The following AQP11 variants were observed in gnomAD, a reference collection of about 807,000 sequenced individuals.
The protein encoded by AQP11 is aquaporin-11.
In AQP11, 20 loss-of-function variants were observed where a neutral mutation model predicts 21.1. The observed-to-expected ratio is 0.95, with a 90% confidence interval of 0.67 to 1.38. AQP11 has a LOEUF of 1.38. AQP11 is among the 40% of genes most tolerant of loss of function. The pLI, the probability that AQP11 is intolerant of heterozygous loss-of-function variation, is 0.00. For synonymous variants in AQP11, 167 were observed against 150.1 expected (o/e 1.11, Z -0.82); for missense variants, 339 against 340.4 (o/e 1.00, Z 0.03).
At chr11:77,601,042 C>G (rs901461203) in intron 1 of AQP11, among the ~76,000 whole-genome samples, 2 of 151,640 alleles carry the variant, frequency 1.3e-5, no homozygotes, top group African/African-American at 4.8e-5. Flanking sequence ...TTGTATATGT[C>G]TTCTCATACA....
chr11:77,598,887 T>A (rs964743025), intron 1 of AQP11, among the ~76,000 whole-genome samples: 7 of 151,886 alleles, frequency 4.6e-5, no homozygotes, highest in Admixed American at 3.3e-4. Context: ...GCTAATTATT[T>A]TTTTTTTGTT....
rs764929288 is a variant in AQP11, at chr11:77,603,601, C to T, written c.665C>T (p.Ser222Leu). Residue 222 changes from serine to leucine, a missense_variant, in exon 2 of 3, where the codon TCG becomes TTG. Physicochemically the swap from Ser to Leu is moderately radical, Grantham distance 145. Coordinates refer to ENST00000313578, the MANE Select transcript of AQP11 (RefSeq NM_173039.3). ...GTATTTAATCCAGCTTTGGCACTTTCGCTACATTTCATGTGTTTTGATGAA... is the reference window on the plus strand; with the variant it reads ...GTATTTAATCCAGCTTTGGCACTTTTGCTACATTTCATGTGTTTTGATGAA... Reference protein sequence around the residue: ...GAVFNPALALSLHFMCFDEAF... With the variant: ...GAVFNPALALLLHFMCFDEAF... 5.6e-6 allele frequency: 9 copies of T among 1,608,942 alleles called. No homozygotes were observed. Among genetic ancestry groups the T allele is most frequent in the African/African-American group, 4.0e-5 (3 of 74,892 alleles).
intron 1 of AQP11, among the ~76,000 whole-genome samples, chr11:77,601,029 A>G (rs1958812936): frequency 6.6e-6 from 1 of 151,852 alleles, no homozygotes; most frequent in South Asian, 2.1e-4. Context: ...AAAAAAAAAA[A>G]TCTTGTATAT....
In AQP11 at chr11:77,590,440, G is replaced by A. The variant is rs759491525; in HGVS notation, c.448G>A (p.Glu150Lys). Residue 150 changes from glutamate to lysine, a missense_variant, in exon 1 of 3, where the codon GAG becomes AAG. Physicochemically the swap from Glu to Lys is moderately conservative, Grantham distance 56. Transcript: ENST00000313578. ...SLGLTQYHVSERSFACKNPIR... is the reference protein window; with the variant it reads ...SLGLTQYHVSKRSFACKNPIR... ...GGGTCTGACCCAGTATCACGTCAGC[G>A]AGAGGAGCTTCGCTTGCAAGAATCC... is the stretch of plus-strand genomic sequence containing the variant. 1 of 1,614,082 alleles carries A rather than the reference G, an allele frequency of 6.2e-7. No homozygotes were observed. Among genetic ancestry groups the A allele is most frequent in the Non-Finnish European group, 8.5e-7 (1 of 1,180,032 alleles).
chr11:77,596,129 C>A (rs981190698), intron 1 of AQP11, among the ~76,000 whole-genome samples: 1 of 151,904 alleles, frequency 6.6e-6, no homozygotes. Context: ...GAGACGGAGG[C>A]GGGCGGATCA....
chr11:77,596,560 A>ATATATATATATATATATATATATG (rs1554976434), intron 1 of AQP11, among the ~76,000 whole-genome samples: 3 of 133,086 alleles, frequency 2.3e-5, no homozygotes, highest in Non-Finnish European at 3.1e-5. Context: ...ATATATATAT[A>ATATATATATATATATATATATATG]TATGTATGTA....
At position 77,610,074 on chromosome 11, in the gene AQP11, A is replaced by C. The variant is rs1425331163; in HGVS notation, c.*697A>C. 1 of 152,228 alleles carries C rather than the reference A, an allele frequency of 6.6e-6. No individual in the cohort carries two copies. The highest frequency in any genetic ancestry group is 1.5e-5 in the Non-Finnish European group (1 of 68,042). The allele number at this position is 152,228 out of a possible 1,614,324, so 9.4% of individuals were successfully genotyped here. ...AGCTTTTCACATTCTCCTTTGAACC[A>C]ACAGCTAGCTACCTTATGAAGTAGG... On this transcript the variant is annotated 3_prime_UTR_variant, in exon 3 of 3. Transcript: ENST00000313578.
At chr11:77,592,775 A>G (rs1958756404) in intron 1 of AQP11, among the ~76,000 whole-genome samples, 2 of 152,144 alleles carry the variant, frequency 1.3e-5, no homozygotes, top group South Asian at 4.1e-4. Context: ...TTTTCTTGAA[A>G]TGAGGGTACT....
At chr11:77,595,393 C>CT (rs1020747555) in intron 1 of AQP11, among the ~76,000 whole-genome samples, 3 of 152,046 alleles carry the variant, frequency 2.0e-5, no homozygotes, top group Non-Finnish European at 4.4e-5. Context: ...CGTCAGTTGT[C>CT]TTTATTACCA....
chr11:77,602,908 C>T (rs1958823081), intron 1 of AQP11, among the ~76,000 whole-genome samples: 1 of 152,202 alleles, frequency 6.6e-6, no homozygotes, highest in African/African-American at 2.4e-5. Flanking sequence ...GGACAGGCAT[C>T]CAGCCTCCTC....
chr11:77,602,800 A>G (rs1958822564), intron 1 of AQP11, among the ~76,000 whole-genome samples: 1 of 152,230 alleles, frequency 6.6e-6, no homozygotes, highest in Admixed American at 6.5e-5. Context: ...TGTGTGCCTA[A>G]GCTTCCACTT....
chr11:77,599,437 A>C (rs1273742880), intron 1 of AQP11, among the ~76,000 whole-genome samples: 7 of 124,634 alleles, frequency 5.6e-5, no homozygotes, highest in African/African-American at 2.2e-4. Flanking sequence ...ACCCCATGAC[A>C]GGCCCCACAC....
rs554606321 is a variant in AQP11 at position 77,591,612 on chromosome 11, G to A, written c.619+1001G>A. On this transcript the variant is annotated intron_variant, in intron 1 of 2. Coordinates refer to ENST00000313578, the MANE Select transcript of AQP11 (RefSeq NM_173039.3). ...CAGCCGGGCGCGGTGGCTCACGCCTGTAATCCCAGCACTTTGGGAGACCGA... is the reference window on the plus strand; with the variant it reads ...CAGCCGGGCGCGGTGGCTCACGCCTATAATCCCAGCACTTTGGGAGACCGA... Among the ~76,000 whole-genome samples the A allele has an allele frequency of 6.6e-5, 10 of 152,286 alleles. No individual in the cohort carries two copies. In the South Asian group the frequency reaches 2.1e-3, roughly 32 times the overall value.
chr11:77,607,553 T>C (rs1270600940), intron 2 of AQP11, among the ~76,000 whole-genome samples: 2 of 152,122 alleles, frequency 1.3e-5, no homozygotes, highest in African/African-American at 2.4e-5. Flanking sequence ...ATAATTCCTC[T>C]AATGGCCCCT....
rs1958804726 is a variant in AQP11, at chr11:77,599,773, TG to T, written c.620-3778del. On this transcript the variant is annotated intron_variant, in intron 1 of 2. Transcript: ENST00000313578. ...GCAATTTTTGTATTTTTTGTAGAGA[TG>T]GGGGTTTTGCTATGTTGCCCAGGCT... Among the ~76,000 whole-genome samples, 3 of 151,308 alleles carry T rather than the reference TG, an allele frequency of 2.0e-5. No homozygotes were observed. In the South Asian group the frequency reaches 6.3e-4, roughly 32 times the overall value.
At chr11:77,599,407 T>C (rs1958802256) in intron 1 of AQP11, among the ~76,000 whole-genome samples, 1 of 151,902 alleles carries the variant, frequency 6.6e-6, no homozygotes, top group Non-Finnish European at 1.5e-5. Flanking sequence ...CTCCTAATAC[T>C]ATCCCTCCCC....
At chr11:77,593,765 G>A (rs1247907736) in intron 1 of AQP11, among the ~76,000 whole-genome samples, 8 of 152,208 alleles carry the variant, frequency 5.3e-5, no homozygotes, top group Admixed American at 5.2e-4. Context: ...ACTAGACTGT[G>A]TTAGAACTAT....
intron 1 of AQP11, chr11:77,591,210 T>C (rs1163665087): frequency 4.9e-5 from 46 of 947,494 alleles, no homozygotes; most frequent in Non-Finnish European, 5.7e-5. Context: ...TTAAGAAAAA[T>C]GTTTAAATGA....
chr11:77,596,544 A>ATG (rs1464317883), intron 1 of AQP11, among the ~76,000 whole-genome samples: 21 of 122,006 alleles, frequency 1.7e-4, no homozygotes, highest in Non-Finnish European at 2.5e-4. Context: ...GTAAATATAT[A>ATG]TATATATATA....
Sources: gnomAD v4.1 joint callset for allele counts (sites outside exome capture counted in the v4.1 genomes callset) on GRCh38, gnomAD v4.1.1 for gene constraint, MANE v1.5 for transcripts, NCBI Gene and HGNC (gene_info 2026-07-23, HGNC 2026-07-21) for gene names.